SH3RF2: variants seen among roughly 807,000 people sequenced by gnomAD.
SH3RF2 encodes E3 ubiquitin-protein ligase SH3RF2.
A neutral mutation model predicts 59.0 loss-of-function variants in SH3RF2; 43 were observed. That is an observed-to-expected ratio of 0.73 (90% CI 0.57 to 0.94). SH3RF2 has a LOEUF of 0.94. SH3RF2 is among the 40% of genes least tolerant of loss of function. The pLI is 0.00. For missense variants in SH3RF2, 930 were observed against 940.1 expected, an observed-to-expected ratio of 0.99 and a Z score of 0.14; for synonymous variants, 391 against 391.5, an observed-to-expected ratio of 1.00 and a Z score of 0.01.
intron 5 of SH3RF2, among the ~76,000 whole-genome samples, chr5:146,030,194 G>A (rs1253436964): frequency 1.3e-5 from 2 of 152,258 alleles, no homozygotes; most frequent in African/African-American, 4.8e-5. Flanking sequence ...CCTTTGACTT[G>A]ACCTGAGCCA....
intron 5 of SH3RF2, among the ~76,000 whole-genome samples, chr5:146,046,514 G>C (rs1020638091): frequency 6.6e-6 from 1 of 152,154 alleles, no homozygotes; most frequent in African/African-American, 2.4e-5. Context: ...CATGGAGAAG[G>C]TTTCATTATC....
chr5:146,063,678 G>A (rs190473917), downstream of SH3RF2, among the ~76,000 whole-genome samples: 5 of 152,116 alleles, frequency 3.3e-5, no homozygotes, highest in South Asian at 2.1e-4. Context: ...TGGCCAACAT[G>A]ATCAAACCCC....
intron 6 of SH3RF2, 22 bp from the exon 7 acceptor site, chr5:146,049,053 C>T (rs373767672): frequency 1.2e-6 from 2 of 1,613,916 alleles, no homozygotes; most frequent in East Asian, 2.2e-5. Context: ...TCCTCCCTCA[C>T]CAGTTCTCTG....
rs70998053 is a variant in SH3RF2 at position 146,074,036 on chromosome 5, C to CTTTTTTTTTTTTTTTT, written c.*34-4418_*34-4403dup. Among the ~76,000 whole-genome samples, 4 of 117,232 alleles carry CTTTTTTTTTTTTTTTT rather than the reference C, an allele frequency of 3.4e-5. 1 individual carries two copies. Among genetic ancestry groups the CTTTTTTTTTTTTTTTT allele is most frequent in the African/African-American group, 1.2e-4 (3 of 24,208 alleles). 76.9% of individuals were successfully genotyped at this position (117,232 alleles called of 152,430 possible). Reference sequence around the variant, plus strand: ...CCATGGGGTAGGTTTCATTAACACTCTTTTTTTTTTTTTTTTTTTTTGAGA... The same window carrying CTTTTTTTTTTTTTTTT: ...CCATGGGGTAGGTTTCATTAACACTCTTTTTTTTTTTTTTTTTTTTTTTTTTTTTTTTTTTTTGAGA... On this transcript the variant is annotated intron_variant, in intron 9 of 9. Transcript: ENST00000511217.
intron 2 of SH3RF2, among the ~76,000 whole-genome samples, chr5:145,981,993 T>C (rs929143167): frequency 6.6e-6 from 1 of 152,244 alleles, no homozygotes; most frequent in African/African-American, 2.4e-5. Context: ...ATTGCAGGCT[T>C]ACATAATGTA....
intron 5 of SH3RF2, among the ~76,000 whole-genome samples, chr5:146,015,677 G>A (rs893423939): frequency 2.0e-5 from 3 of 152,188 alleles, no homozygotes; most frequent in Admixed American, 6.5e-5. Flanking sequence ...TTCTTATTCT[G>A]GGCATTTATG....
At chr5:145,962,982 C>T (rs1278357120) in intron 2 of SH3RF2, among the ~76,000 whole-genome samples, 1 of 146,102 alleles carries the variant, frequency 6.8e-6, no homozygotes, top group Non-Finnish European at 1.5e-5. Context: ...ACTGCAAGCT[C>T]TGCCTCCTGG....
intron 4 of SH3RF2, among the ~76,000 whole-genome samples, chr5:146,005,272 A>G (rs1225252556): frequency 1.3e-5 from 2 of 152,186 alleles, no homozygotes; most frequent in Non-Finnish European, 2.9e-5. Context: ...GCTTGAAGCA[A>G]GTCATTACAT....
At chr5:146,053,417 T>C (rs1762563190) in intron 7 of SH3RF2, among the ~76,000 whole-genome samples, 1 of 99,414 alleles carries the variant, frequency 1.0e-5, no homozygotes, top group Admixed American at 9.6e-5. Flanking sequence ...TTGTGTGTAG[T>C]CTTGGTGGGA....
At chr5:145,950,989 G>A (rs1758171534) in intron 2 of SH3RF2, among the ~76,000 whole-genome samples, 1 of 152,156 alleles carries the variant, frequency 6.6e-6, no homozygotes, top group Admixed American at 6.5e-5. Flanking sequence ...CAAATTCTCT[G>A]AGTCTCAATA....
intron 2 of SH3RF2, among the ~76,000 whole-genome samples, chr5:145,992,261 G>C (rs1759968351): frequency 6.6e-6 from 1 of 152,110 alleles, no homozygotes; most frequent in Non-Finnish European, 1.5e-5. Context: ...TGTAGTCACA[G>C]CTACTTGGGG....
At chr5:146,059,566 G>A (rs1762810621) in intron 8 of SH3RF2, among the ~76,000 whole-genome samples, 1 of 151,768 alleles carries the variant, frequency 6.6e-6, no homozygotes, top group Non-Finnish European at 1.5e-5. Context: ...GTGTGCGTGT[G>A]TGTGTGTGTA....
At chr5:146,025,978 T>A (rs190248442) in intron 5 of SH3RF2, among the ~76,000 whole-genome samples, 34 of 152,286 alleles carry the variant, frequency 2.2e-4, no homozygotes, top group African/African-American at 7.0e-4. Flanking sequence ...CCCTCTTTCC[T>A]CCAAGGGGAG....
chr5:146,062,013 G>C (rs543284628), intron 9 of SH3RF2, among the ~76,000 whole-genome samples: 1 of 152,268 alleles, frequency 6.6e-6, no homozygotes, highest in East Asian at 1.9e-4. Context: ...GTCATCAGGA[G>C]AGTGGCCTCA....
chr5:146,007,213 A>G lies in SH3RF2; in HGVS notation c.744+3060A>G, dbSNP rs879595375. The stretch of plus-strand genomic sequence containing the variant: ...GACTGCCCTGGCTGCAGTGGGAGGA[A>G]CGATTTGAAGAGGAGGGAGAAAAAA... On this transcript the variant is annotated intron_variant, in intron 4 of 9. Transcript: ENST00000359120. Among the ~76,000 whole-genome samples, 43 of 152,188 alleles carry G rather than the reference A, an allele frequency of 2.8e-4. 1 individual carries two copies. The highest frequency in any genetic ancestry group is 1.0e-3 in the African/African-American group (42 of 41,448).
intron 5 of SH3RF2, among the ~76,000 whole-genome samples, chr5:146,031,728 G>A (rs1213956151): frequency 2.6e-5 from 4 of 152,182 alleles, no homozygotes; most frequent in Non-Finnish European, 4.4e-5. Flanking sequence ...TCCCCATGGA[G>A]TGTGTGTCCA....
At position 146,075,047 on chromosome 5, in the gene SH3RF2, T is replaced by C. The variant is rs185522830; in HGVS notation, c.*34-3413T>C. On this transcript the variant is annotated intron_variant, in intron 9 of 9. Transcript: ENST00000511217. ...CTTTGTTACTATCCATTATTATCCT[T>C]TGATAGACAGGAATGTAAAGTTTAA... Among the ~76,000 whole-genome samples, 67 of 152,334 alleles carry C rather than the reference T, an allele frequency of 4.4e-4. No individual in the cohort carries two copies. The East Asian group carries it at 0.01, about 24-fold the overall frequency.
intron 2 of SH3RF2, among the ~76,000 whole-genome samples, chr5:145,968,612 G>T (rs1293209932): frequency 6.6e-6 from 1 of 151,986 alleles, no homozygotes; most frequent in Non-Finnish European, 1.5e-5. Context: ...AAAGTAAAAA[G>T]AAAGGTGAAA....
chr5:145,944,741 G>A (rs1757947251), intron 2 of SH3RF2, among the ~76,000 whole-genome samples: 1 of 152,050 alleles, frequency 6.6e-6, no homozygotes, highest in South Asian at 2.1e-4. Flanking sequence ...CATTTCTATG[G>A]CACTGACACC....
Sources: allele counts gnomAD v4.1 joint callset (sites outside exome capture counted in the v4.1 genomes callset), GRCh38; gene constraint gnomAD v4.1.1; transcripts MANE v1.5; gene names NCBI Gene and HGNC (gene_info 2026-07-23, HGNC 2026-07-21).